Variants in ALK observed in about 807,000 individuals in gnomAD.
ALK encodes the protein ALK tyrosine kinase receptor.
A neutral mutation model predicts 163.1 loss-of-function variants in ALK; 74 were observed. The observed-to-expected ratio is 0.45, with a 90% CI of 0.38 to 0.55. The LOEUF is 0.55. ALK is among the 20% of genes least tolerant of loss of function. ALK has a pLI of 0.00. For missense variants in ALK, 2,063 were observed against 2,105.3 expected (o/e 0.98, Z 0.39); for synonymous variants, 960 against 843.2 (o/e 1.14, Z -2.40).
chr2:29,228,744 G>T, intron 16 of ALK, 140 bp downstream of exon 16: 1 of 658,720 alleles, frequency 1.5e-6, no homozygotes, highest in South Asian at 1.8e-5. Flanking sequence ...GGTCCAGGCA[G>T]GTCGAGAGGG....
In ALK at chr2:29,838,137, T is replaced by C. The variant is rs151290345; in HGVS notation, c.667+81856A>G. Among the ~76,000 whole-genome samples, 44 of 152,228 alleles carry C rather than the reference T, an allele frequency of 2.9e-4. No homozygotes were observed. In the East Asian group the frequency reaches 7.3e-3, roughly 25 times the overall value. On this transcript the variant is annotated intron_variant, in intron 1 of 28. Transcript: ENST00000389048. ...ACTGCAGAAGAAAAGATTAGTGAAC[T>C]TGAAGAGCAGTCATAGGAACTATCA...
intron 3 of ALK, among the ~76,000 whole-genome samples, chr2:29,580,040 G>A (rs1674634951): frequency 6.6e-6 from 1 of 152,150 alleles, no homozygotes. Context: ...AACAGCCACA[G>A]AATTTATAAC....
chr2:29,571,075 T>A (rs1674354821), intron 3 of ALK, among the ~76,000 whole-genome samples: 2 of 152,172 alleles, frequency 1.3e-5, no homozygotes, highest in African/African-American at 4.8e-5. Context: ...CCCACAGTCC[T>A]GGAGGGAGAT....
chr2:29,222,220 G>A (rs1669821687), intron 22 of ALK, 124 bp downstream of exon 22: 3 of 859,530 alleles, frequency 3.5e-6, no homozygotes, highest in African/African-American at 1.7e-5. Context: ...GTCTCCTACT[G>A]GAGAAAAGGG....
At chr2:29,797,027 CAT>C (rs1491362540) in intron 1 of ALK, among the ~76,000 whole-genome samples, 7 of 151,032 alleles carry the variant, frequency 4.6e-5, no homozygotes, top group South Asian at 2.1e-4. Context: ...CACACACACA[CAT>C]ACACACACAT....
At chr2:29,693,515 A>C (rs998776602) in intron 3 of ALK, among the ~76,000 whole-genome samples, 7 of 152,116 alleles carry the variant, frequency 4.6e-5, no homozygotes, top group Admixed American at 4.6e-4. Context: ...AGGTCAACCC[A>C]TCCCAAAACA....
At chr2:29,378,234 T>C (rs1216756389) in intron 5 of ALK, among the ~76,000 whole-genome samples, 1 of 152,138 alleles carries the variant, frequency 6.6e-6, no homozygotes, top group East Asian at 1.9e-4. Context: ...CTTAGAAAAA[T>C]TGAGAACTTG....
intron 12 of ALK, among the ~76,000 whole-genome samples, chr2:29,250,506 A>T (rs1376941657): frequency 6.6e-6 from 1 of 152,132 alleles, no homozygotes; most frequent in African/African-American, 2.4e-5. Context: ...GGGTCTTGCA[A>T]TCAGGGTCTC....
chr2:29,768,558 A>G (rs1316306719), intron 1 of ALK, among the ~76,000 whole-genome samples: 1 of 152,258 alleles, frequency 6.6e-6, no homozygotes, highest in Admixed American at 6.5e-5. Flanking sequence ...ATATTGGTAT[A>G]TAAAGTTCTT....
intron 23 of ALK, among the ~76,000 whole-genome samples, chr2:29,220,502 C>T (rs576700422): frequency 3.3e-5 from 5 of 152,272 alleles, no homozygotes; most frequent in Non-Finnish European, 5.9e-5. Context: ...TGCACAAGCT[C>T]CTTGGGGCTG....
chr2:29,864,294 T>C lies in ALK; in HGVS notation c.667+55699A>G, dbSNP rs1027965800. The stretch of plus-strand genomic sequence containing the variant: ...AGCCAGTTTATCCTGCCTCGGGTCT[T>C]TGCCCAAACCACTTCTCATGTCTGA... On this transcript the variant is annotated intron_variant, in intron 1 of 28. Transcript: ENST00000389048. Among the ~76,000 whole-genome samples the C allele has an allele frequency of 6.0e-4, 91 of 152,206 alleles. 4 individuals carry two copies. Among genetic ancestry groups the C allele is most frequent in the Non-Finnish European group, 1.5e-5 (1 of 68,036 alleles).
intron 4 of ALK, among the ~76,000 whole-genome samples, chr2:29,524,827 AATGGATGGATGGTAGATGGATGAGTGG>A: frequency 6.6e-6 from 1 of 150,878 alleles, no homozygotes; most frequent in South Asian, 2.1e-4. Flanking sequence ...TGGATGGATG[AATGGATGGATGGTAGATGGATGAGTGG>A]ATGGATGGAT....
intron 3 of ALK, among the ~76,000 whole-genome samples, chr2:29,574,677 C>T (rs1235249272): frequency 6.6e-6 from 1 of 152,226 alleles, no homozygotes; most frequent in Non-Finnish European, 1.5e-5. Context: ...TACAAGTTCC[C>T]TAGACTTGCT....
intron 5 of ALK, among the ~76,000 whole-genome samples, chr2:29,338,612 T>C (rs1667696830): frequency 6.6e-6 from 1 of 152,246 alleles, no homozygotes; most frequent in Non-Finnish European, 1.5e-5. Context: ...TGCATACCTT[T>C]GGCTGTGCCT....
chr2:29,388,507 C>T (rs1419528370), intron 4 of ALK, among the ~76,000 whole-genome samples: 4 of 152,236 alleles, frequency 2.6e-5, no homozygotes, highest in Non-Finnish European at 5.9e-5. Flanking sequence ...CCATCCACCA[C>T]CCTAAGCTAC....
At chr2:29,330,145 T>A (rs1667396730) in intron 5 of ALK, among the ~76,000 whole-genome samples, 1 of 152,166 alleles carries the variant, frequency 6.6e-6, no homozygotes. Flanking sequence ...AGATCCCACC[T>A]CCTTCCAGGG....
At chr2:29,678,859 G>T (rs1677974251) in intron 3 of ALK, among the ~76,000 whole-genome samples, 1 of 151,670 alleles carries the variant, frequency 6.6e-6, no homozygotes, top group Non-Finnish European at 1.5e-5. Context: ...GTATTATGTA[G>T]TCGTTAGGTG....
rs115703090 is a variant in ALK at position 29,341,667 on chromosome 2, A to G, written c.1283-13186T>C. 1.1e-3 allele frequency among the ~76,000 whole-genome samples: 163 copies of G among 152,350 alleles called. 1 individual carries two copies. Among genetic ancestry groups the G allele is most frequent in the African/African-American group, 3.7e-3 (154 of 41,590 alleles). On this transcript the variant is annotated intron_variant, in intron 5 of 28. Transcript: ENST00000389048. Reference sequence around the variant, plus strand: ...ATTCTAGGCACAAAGCCAAGTGCAAAACAGACTCCAACCTAGCAGTGTGCA... The same window carrying G: ...ATTCTAGGCACAAAGCCAAGTGCAAGACAGACTCCAACCTAGCAGTGTGCA...
At chr2:29,887,828 C>G (rs1667023912) in intron 1 of ALK, among the ~76,000 whole-genome samples, 1 of 152,188 alleles carries the variant, frequency 6.6e-6, no homozygotes, top group African/African-American at 2.4e-5. Flanking sequence ...TAATTTAAAA[C>G]TCAGACAGCC....
Sources: gnomAD v4.1 joint callset for allele counts (sites outside exome capture counted in the v4.1 genomes callset) on GRCh38, gnomAD v4.1.1 for gene constraint, MANE v1.5 for transcripts, NCBI Gene and HGNC (gene_info 2026-07-23, HGNC 2026-07-21) for gene names.